NPC1L1: variants seen among roughly 807,000 people sequenced by gnomAD.
The protein encoded by NPC1L1 is NPC1 like intracellular cholesterol transporter 1, also known as NPC1-like intracellular cholesterol transporter 1.
NPC1L1 carries 98 observed loss-of-function variants against 117.0 expected under a neutral mutation model. That is an observed-to-expected ratio of 0.84 (90% CI 0.71 to 0.99). The LOEUF (loss-of-function observed/expected upper bound fraction) is 0.99. Among genes scored for constraint, NPC1L1 ranks in the 50% least tolerant of loss-of-function variants. The pLI is 0.00. For missense variants in NPC1L1, 1,540 were observed against 1,710.0 expected (o/e 0.90, Z 1.75); for synonymous variants, 729 against 727.6 (o/e 1.00, Z -0.03).
chr7:44,541,093 C>G, intron 1 of NPC1L1, 113 bp downstream of exon 1: 1 of 1,187,136 alleles, frequency 8.4e-7, no homozygotes, highest in Non-Finnish European at 1.2e-6. Flanking sequence ...GCCCAGCCCG[C>G]AGGCCCTGAG....
At position 44,517,286 on chromosome 7, in the gene NPC1L1, G is replaced by T. The variant is rs762878287; in HGVS notation, c.3208C>A (p.Arg1070=). 6.2e-7 allele frequency: 1 copy of T among 1,614,054 alleles called. No homozygotes were observed. Among genetic ancestry groups the T allele is most frequent in the Non-Finnish European group, 8.5e-7 (1 of 1,180,044 alleles). Residue 1070 remains arginine (R), a synonymous_variant, in exon 15 of 19, where the codon CGA becomes AGA. Transcript: ENST00000381160. ...GCAGTGATGTTGGCTGCCAGCTCTC[G>T]AGCTGCCCGCAGAGCTTCTGTGTAA... The part of the protein sequence containing the change: ...QDYTEALRAA[R]ELAANITADL...
In NPC1L1 at chr7:44,536,361, G is replaced by T. The variant is rs752780358; in HGVS notation, c.1749C>A (p.Asp583Glu). Residue 583 changes from aspartate to glutamate, a missense_variant, in exon 4 of 19, where the codon GAC becomes GAA. Transcript: ENST00000381160. This position sits in a 1 kb window ranked among gnomAD's most constrained non-coding sequence, Gnocchi z 4.7. ...ACAGCTTGGCCTGGGCCAGACGGGGGTCCCCGGCAGGGTAATTGTTGAGGG... is the reference window on the plus strand; with the variant it reads ...ACAGCTTGGCCTGGGCCAGACGGGGTTCCCCGGCAGGGTAATTGTTGAGGG... ...TFSLNNYPAG[D>E]PRLAQAKLWE... 13 of 1,614,218 alleles carry T rather than the reference G, an allele frequency of 8.1e-6. No homozygotes were observed. Among genetic ancestry groups the T allele is most frequent in the Non-Finnish European group, 1.1e-5 (13 of 1,180,028 alleles).
intron 2 of NPC1L1, among the ~76,000 whole-genome samples, chr7:44,537,978 C>T (rs1034442788): frequency 6.6e-6 from 1 of 152,236 alleles, no homozygotes; most frequent in Non-Finnish European, 1.5e-5. Flanking sequence ...TCGGCACTCT[C>T]TTCCAATCCA....
Position 44,540,136 on chromosome 7 carries a change from G to A in NPC1L1, c.261C>T (p.Thr87=), listed in dbSNP as rs770764471. The part of the protein sequence containing the change: ...ICPRLYTGPN[T]QACCSAKQLV... ...GCTGCTTGGCGGAGCAGCAGGCTTG[G>A]GTGTTGGGGCCGGTGTAGAGGCGGG... Residue 87 remains threonine (T), a synonymous_variant, in exon 2 of 19, where the codon ACC becomes ACT. Coordinates refer to ENST00000381160, the MANE Select transcript of NPC1L1 (RefSeq NM_001101648.2). 1.2e-6 allele frequency: 2 copies of A among 1,614,138 alleles called. No individual in the cohort carries two copies. Among genetic ancestry groups the A allele is most frequent in the Admixed American group, 1.7e-5 (1 of 60,016 alleles).
Position 44,522,236 on chromosome 7 carries a change from A to G in NPC1L1, c.2644T>C (p.Tyr882His). The G allele has an allele frequency of 6.2e-7, 1 of 1,612,850 alleles. No individual in the cohort carries two copies. Residue 882 changes from tyrosine to histidine, a missense_variant, in exon 11 of 19, where the codon TAC becomes CAC. Coordinates refer to ENST00000381160, the MANE Select transcript of NPC1L1 (RefSeq NM_001101648.2). The part of the protein sequence containing the change: ...DQELALPKDS[Y>H]LLDYFLFLNR... ...AGAAAGAGGAAATAGTCAAGCAGGT[A>G]CGAGTCCTAGGAGTGGAGGAGGGTC...
chr7:44,532,334 G>T, intron 8 of NPC1L1, 117 bp from the exon 9 acceptor site: 1 of 1,135,202 alleles, frequency 8.8e-7, no homozygotes, highest in Non-Finnish European at 1.3e-6. Flanking sequence ...TGCCCTCATG[G>T]AGACATACCA....
rs906491397 is a variant in NPC1L1, at chr7:44,536,817, T to C, written c.1681+25A>G. The C allele has an allele frequency of 1.3e-6, 2 of 1,589,036 alleles. No individual in the cohort carries two copies. Among genetic ancestry groups the C allele is most frequent in the Non-Finnish European group, 1.7e-6 (2 of 1,157,196 alleles). On this transcript the variant is annotated intron_variant, in intron 3 of 18. Transcript: ENST00000381160. The surrounding 1 kb of genome is among the most constrained non-coding windows in gnomAD (Gnocchi z 4.7). Reference sequence around the variant, plus strand: ...CCCCAATACTGCATCTTCCTTGGCTTCCTCTCAGGGCCCACTTAGCTTACC... The same window carrying C: ...CCCCAATACTGCATCTTCCTTGGCTCCCTCTCAGGGCCCACTTAGCTTACC...
chr7:44,535,646 GGAAAA>G (rs1408542681), intron 5 of NPC1L1, among the ~76,000 whole-genome samples, 189 bp downstream of exon 5: 2 of 152,132 alleles, frequency 1.3e-5, no homozygotes, highest in Non-Finnish European at 2.9e-5. Context: ...GAAAAAGAAA[GGAAAA>G]GAAAAGAAAA....
At chr7:44,540,959 A>T (rs1295890273) in intron 1 of NPC1L1, among the ~76,000 whole-genome samples, 1 of 151,928 alleles carries the variant, frequency 6.6e-6, no homozygotes, top group Non-Finnish European at 1.5e-5. Flanking sequence ...GACAGGAGGG[A>T]CTTGGAGCAC....
At chr7:44,528,629 C>T (rs999323840) in intron 10 of NPC1L1, among the ~76,000 whole-genome samples, 1 of 152,094 alleles carries the variant, frequency 6.6e-6, no homozygotes, top group Non-Finnish European at 1.5e-5. Flanking sequence ...TAGCAATCAA[C>T]TAAGCACAAA....
At position 44,531,824 on chromosome 7, in the gene NPC1L1, C is replaced by A; in HGVS notation, c.2568G>T (p.Leu856=). 1 of 1,587,090 alleles carries A rather than the reference C, an allele frequency of 6.3e-7. No homozygotes were observed. Among genetic ancestry groups the A allele is most frequent in the Admixed American group, 1.8e-5 (1 of 55,364 alleles). ...ACATGGAGTAGAGGCTCACTCCGAA[C>A]AGGGCGAGAAACAGCAGCAGCTGAG... ...RGVVLLLFLA[L]FGVSLYSMCH... Residue 856 remains leucine, a synonymous_variant, in exon 10 of 19, where the codon CTG becomes CTT. Transcript: ENST00000381160.
intron 18 of NPC1L1, among the ~76,000 whole-genome samples, chr7:44,514,884 G>A (rs987332850): frequency 6.0e-5 from 9 of 150,654 alleles, no homozygotes; most frequent in East Asian, 2.0e-4. Context: ...GTGGTGGTGC[G>A]CACCTGTAAT....
Position 44,533,728 on chromosome 7 carries a change from C to T in NPC1L1, c.2281+11G>A. The T allele has an allele frequency of 6.2e-7, 1 of 1,613,600 alleles. No individual in the cohort carries two copies. The highest frequency in any genetic ancestry group is 8.5e-7 in the Non-Finnish European group (1 of 1,179,624). ...CCTAATGCCGAGTGGGGAGGTCTCACCCAGGCTCACCTAGGAAGAAGCAGA... is the reference window on the plus strand; with the variant it reads ...CCTAATGCCGAGTGGGGAGGTCTCATCCAGGCTCACCTAGGAAGAAGCAGA... On this transcript the variant is annotated intron_variant, in intron 7 of 18. Transcript: ENST00000381160.
chr7:44,534,153 G>C lies in NPC1L1; in HGVS notation c.2166+294C>G, dbSNP rs945874571. Among the ~76,000 whole-genome samples the C allele has an allele frequency of 4.4e-4, 67 of 152,314 alleles. No homozygotes were observed. Among genetic ancestry groups the C allele is most frequent in the Non-Finnish European group, 4.0e-4 (27 of 68,016 alleles). On this transcript the variant is annotated intron_variant, in intron 6 of 18. Coordinates refer to ENST00000381160, the MANE Select transcript of NPC1L1 (RefSeq NM_001101648.2). This position sits in a 1 kb window ranked among gnomAD's most constrained non-coding sequence, Gnocchi z 5.2. ...TCGACTCTGATTTATCCTTACCATGGAATGCTACCTAGCAGCATAAAGACA... is the reference window on the plus strand; with the variant it reads ...TCGACTCTGATTTATCCTTACCATGCAATGCTACCTAGCAGCATAAAGACA...
intron 10 of NPC1L1, among the ~76,000 whole-genome samples, chr7:44,523,272 T>C (rs1585134127): frequency 6.6e-6 from 1 of 152,190 alleles, no homozygotes; most frequent in Middle Eastern, 3.4e-3. Flanking sequence ...GCCAGGCTTG[T>C]CTCAAACTCC....
intron 14 of NPC1L1, among the ~76,000 whole-genome samples, chr7:44,517,592 C>T (rs1038030164): frequency 2.0e-5 from 3 of 152,158 alleles, no homozygotes; most frequent in South Asian, 2.1e-4. Flanking sequence ...CCAGGCCTGA[C>T]CTTTGATGAG....
At chr7:44,514,051 A>G (rs1801116827) in intron 18 of NPC1L1, among the ~76,000 whole-genome samples, 1 of 152,186 alleles carries the variant, frequency 6.6e-6, no homozygotes, top group African/African-American at 2.4e-5. Flanking sequence ...TCCAACCCCT[A>G]CTACCTTTGA....
intron 10 of NPC1L1, among the ~76,000 whole-genome samples, chr7:44,527,529 C>T (rs1056910370): frequency 6.7e-6 from 1 of 149,356 alleles, no homozygotes; most frequent in Admixed American, 6.7e-5. Flanking sequence ...AATAAAAATC[C>T]CTTGGCTAGG....
At chr7:44,523,151 G>A (rs1801411705) in intron 10 of NPC1L1, among the ~76,000 whole-genome samples, 2 of 152,190 alleles carry the variant, frequency 1.3e-5, no homozygotes, top group South Asian at 2.1e-4. Context: ...CGCCTCCTGG[G>A]TTCAAGCGAT....
Sources: gnomAD v4.1 joint callset for allele counts (sites outside exome capture counted in the v4.1 genomes callset) on GRCh38, gnomAD v4.1.1 for gene constraint, Gnocchi (gnomAD v3.1) non-coding constraint, MANE v1.5 for transcripts, NCBI Gene and HGNC (gene_info 2026-07-23, HGNC 2026-07-21) for gene names.